The following SH3RF1 variants were observed in gnomAD, a reference collection of about 807,000 sequenced individuals.
SH3RF1 encodes SH3 domain containing ring finger 1.
Under a neutral mutation model 74.0 loss-of-function variants are expected in SH3RF1, and 32 were observed. The ratio of observed to expected loss-of-function variants is 0.43; its 90% CI spans 0.33 to 0.58. The LOEUF is 0.58. Ranked by LOEUF, SH3RF1 falls within the 20% of genes least tolerant of loss-of-function variation. SH3RF1 has a pLI of 0.05. For synonymous variants in SH3RF1, 396 were observed against 439.6 expected, an observed-to-expected ratio of 0.90 and a Z score of 1.24; for missense variants, 954 against 1,130.9, an observed-to-expected ratio of 0.84 and a Z score of 2.24.
intron 5 of SH3RF1, among the ~76,000 whole-genome samples, chr4:169,133,799 G>C (rs1733654855): frequency 6.6e-6 from 1 of 151,982 alleles, no homozygotes; most frequent in South Asian, 2.1e-4. Flanking sequence ...GAAAAGGAAA[G>C]GAAATTGTAG....
rs749264440 is a variant in SH3RF1 at position 169,120,987 on chromosome 4, T to C, written c.1349A>G (p.Tyr450Cys). 6.2e-6 allele frequency: 10 copies of C among 1,610,504 alleles called. No individual in the cohort carries two copies. The East Asian group carries it at 2.0e-4, about 32-fold the overall frequency. The change falls in exon 8 of 12, where the codon TAT becomes TGT. Residue 450 changes from tyrosine to cysteine, a missense_variant and splice_region_variant. Transcript: ENST00000284637. Reference sequence around the variant, plus strand: ...AGGAGTGTATGGATATATAGCAACATACCTAGAATAGAAAATAATATTTGA... The same window carrying C: ...AGGAGTGTATGGATATATAGCAACACACCTAGAATAGAAAATAATATTTGA... ...HLRPQTRPSV[Y>C]VAIYPYTPRK...
At chr4:169,109,233 T>G (rs1284200866) in intron 10 of SH3RF1, among the ~76,000 whole-genome samples, 1 of 152,222 alleles carries the variant, frequency 6.6e-6, no homozygotes, top group African/African-American at 2.4e-5. Flanking sequence ...TCAAGTCCAT[T>G]GATAAATTAC....
intron 2 of SH3RF1, among the ~76,000 whole-genome samples, chr4:169,241,577 A>ACAACT (rs1399370174): frequency 6.6e-6 from 1 of 152,070 alleles, no homozygotes; most frequent in Non-Finnish European, 1.5e-5. Context: ...CCTGAACTCC[A>ACAACT]CCAGAGGAGA....
In SH3RF1 at chr4:169,116,496, G is replaced by A. The variant is rs1345537437; in HGVS notation, c.1912C>T (p.Pro638Ser). 6.2e-7 allele frequency: 1 copy of A among 1,613,568 alleles called. No homozygotes were observed. The highest frequency in any genetic ancestry group is 1.7e-5 in the Admixed American group (1 of 59,970). ...LASPQPAPLM[P>S]GSATHTAAIS... ...GCAGCAGTGTGCGTGGCTGAGCCTG[G>A]CATCAGAGGCGCAGGTTGTGGGGAG... Residue 638 changes from proline (P) to serine (S), a missense_variant, in exon 10 of 12, where the codon CCA becomes TCA. Pro to Ser is a moderately conservative substitution (Grantham distance 74). Around this residue, in one of 3 missense-constraint regions of SH3RF1, gnomAD observed 854 missense variants for 962.5 expected, o/e 0.89. Transcript: ENST00000284637.
Position 169,120,838 on chromosome 4 carries a change from A to G in SH3RF1, c.1498T>C (p.Tyr500His). The change falls in exon 8 of 12, where the codon TAT becomes CAT. Residue 500 changes from tyrosine (Y) to histidine (H), a missense_variant. Around this residue, in one of 3 missense-constraint regions of SH3RF1, gnomAD observed 854 missense variants for 962.5 expected, o/e 0.89. Transcript: ENST00000284637. ...TSKIGVFPGN[Y>H]VAPVTRAVTN... is the part of the protein sequence containing the mutation. The stretch of plus-strand genomic sequence containing the variant: ...CCATACCTTGTGACTGGTGCCACAT[A>G]ATTGCCAGGGAAAACCCCTATCTTG... 6.2e-7 allele frequency: 1 copy of G among 1,614,176 alleles called. No homozygotes were observed. Among genetic ancestry groups the G allele is most frequent in the Non-Finnish European group, 8.5e-7 (1 of 1,180,028 alleles).
chr4:169,209,423 C>A (rs545744317), intron 2 of SH3RF1, among the ~76,000 whole-genome samples: 1 of 152,148 alleles, frequency 6.6e-6, no homozygotes, highest in Admixed American at 6.5e-5. Context: ...AAGGTATCGT[C>A]CCCCGGGAAC....
Position 169,107,177 on chromosome 4 carries a change from A to T in SH3RF1, c.2168T>A (p.Leu723His). 6.4e-7 allele frequency: 1 copy of T among 1,557,156 alleles called. No individual in the cohort carries two copies. Among genetic ancestry groups the T allele is most frequent in the Non-Finnish European group, 8.7e-7 (1 of 1,152,538 alleles). ...CTTCCGTTTAGTGGAGGCGCCAGAA[A>T]GCAACTTCAACAAACCCTTTTTTTC... Reference protein sequence around the residue: ...KKEKKGLLKLLSGASTKRKPR... With the variant: ...KKEKKGLLKLHSGASTKRKPR... The change falls in exon 11 of 12, where the codon CTT becomes CAT. Residue 723 changes from leucine to histidine, a missense_variant. Leu to His is a moderately conservative substitution (Grantham distance 99). Transcript: ENST00000284637.
At chr4:169,147,117 A>G (rs1439166140) in intron 4 of SH3RF1, among the ~76,000 whole-genome samples, 4 of 152,232 alleles carry the variant, frequency 2.6e-5, no homozygotes, top group African/African-American at 4.8e-5. Context: ...GTCTCAGTTC[A>G]CTTCACTGTG....
chr4:169,228,023 C>T (rs760221409), intron 2 of SH3RF1, among the ~76,000 whole-genome samples: 3 of 152,190 alleles, frequency 2.0e-5, no homozygotes, highest in African/African-American at 2.4e-5. Flanking sequence ...AGCAACATAA[C>T]GCATTTTTAA....
chr4:169,127,692 T>C (rs1733550594), intron 6 of SH3RF1, among the ~76,000 whole-genome samples: 1 of 152,226 alleles, frequency 6.6e-6, no homozygotes, highest in Non-Finnish European at 1.5e-5. Flanking sequence ...ATAAAATGGC[T>C]GAATGTAAAT....
At chr4:169,163,147 C>T (rs1199469820) in intron 2 of SH3RF1, among the ~76,000 whole-genome samples, 1 of 151,424 alleles carries the variant, frequency 6.6e-6, no homozygotes, top group East Asian at 1.9e-4. Context: ...GATAAAGTAG[C>T]TTTCTTACCA....
At position 169,156,543 on chromosome 4, in the gene SH3RF1, T is replaced by C. The variant is rs747336582; in HGVS notation, c.530A>G (p.Asn177Ser). ...GGTGGGGAAAAAGCCATGGATTCCA[T>C]TGACTTCCCCATGGTACCAATTTTC... ...VDENWYHGEV[N>S]GIHGFFPTNF... is the part of the protein sequence containing the mutation. The change falls in exon 3 of 12, where the codon AAT becomes AGT. Residue 177 changes from asparagine (N) to serine (S), a missense_variant. Coordinates refer to ENST00000284637, the MANE Select transcript of SH3RF1 (RefSeq NM_020870.4). 16 of 1,614,038 alleles carry C rather than the reference T, an allele frequency of 9.9e-6. No individual in the cohort carries two copies. The highest frequency in any genetic ancestry group is 8.8e-5 in the South Asian group (8 of 91,080).
intron 2 of SH3RF1, among the ~76,000 whole-genome samples, chr4:169,158,206 T>C (rs576486365): frequency 6.6e-6 from 1 of 152,232 alleles, no homozygotes; most frequent in East Asian, 1.9e-4. Context: ...GTCTCTCGTG[T>C]TTGGTGAGTA....
rs759409610 is a variant in SH3RF1 at position 169,156,495 on chromosome 4, G to A, written c.578C>T (p.Pro193Leu). 13 of 1,613,824 alleles carry A rather than the reference G, an allele frequency of 8.1e-6. No individual in the cohort carries two copies. Among genetic ancestry groups the A allele is most frequent in the Admixed American group, 1.7e-5 (1 of 59,990 alleles). ...FPTNFVQIIKPLPQPPPQCKA... is the reference protein window; with the variant it reads ...FPTNFVQIIKLLPQPPPQCKA... ...GCACTGAGGTGGGGGCTGAGGTAAC[G>A]GTTTAATAATCTGCACAAAGTTGGT... is the stretch of plus-strand genomic sequence containing the variant. Residue 193 changes from proline to leucine, a missense_variant, in exon 3 of 12, where the codon CCG (proline) becomes CTG (leucine). Physicochemically the swap from Pro to Leu is moderately conservative, Grantham distance 98. Around this residue, in one of 3 missense-constraint regions of SH3RF1, gnomAD observed 854 missense variants for 962.5 expected, o/e 0.89. Transcript: ENST00000284637.
At chr4:169,123,852 A>G (rs1203053271) in intron 6 of SH3RF1, among the ~76,000 whole-genome samples, 1 of 152,008 alleles carries the variant, frequency 6.6e-6, no homozygotes, top group Non-Finnish European at 1.5e-5. Flanking sequence ...AGATTGCGCC[A>G]CTGCACTCCA....
At chr4:169,255,123 T>C (rs1731164879) in intron 2 of SH3RF1, among the ~76,000 whole-genome samples, 1 of 152,236 alleles carries the variant, frequency 6.6e-6, no homozygotes, top group South Asian at 2.1e-4. Context: ...TTTTGAAATG[T>C]CCTTTAGAAG....
intron 2 of SH3RF1, among the ~76,000 whole-genome samples, chr4:169,203,344 A>C (rs1361385171): frequency 6.6e-6 from 1 of 152,144 alleles, no homozygotes; most frequent in African/African-American, 2.4e-5. Flanking sequence ...TGAATCCAGG[A>C]GTTCCAGACC....
At chr4:169,149,095 C>T (rs1031882850) in intron 4 of SH3RF1, among the ~76,000 whole-genome samples, 4 of 152,232 alleles carry the variant, frequency 2.6e-5, no homozygotes, top group African/African-American at 7.2e-5. Context: ...ACTGTCCATT[C>T]GTGAAGTGGG....
intron 5 of SH3RF1, among the ~76,000 whole-genome samples, chr4:169,134,533 A>C (rs1285230081): frequency 6.6e-6 from 1 of 152,212 alleles, no homozygotes; most frequent in African/African-American, 2.4e-5. Context: ...ATCATTGTGC[A>C]AATGTTGCTA....
Sources: allele counts gnomAD v4.1 joint callset (sites outside exome capture counted in the v4.1 genomes callset), GRCh38; gene constraint gnomAD v4.1.1; regional missense constraint gnomAD v4.1.1; transcripts MANE v1.5; gene names NCBI Gene and HGNC (gene_info 2026-07-23, HGNC 2026-07-21).